Variants in PCDHA4 observed in about 807,000 individuals in gnomAD.
PCDHA4 encodes the protein protocadherin alpha 4.
A neutral mutation model predicts 61.4 loss-of-function variants in PCDHA4; 49 were observed. The ratio of observed to expected loss-of-function variants is 0.80; its 90% CI spans 0.63 to 1.01. The LOEUF is 1.01. Ranked by LOEUF, PCDHA4 falls within the 50% of genes least tolerant of loss-of-function variation. The pLI, the probability that PCDHA4 is intolerant of heterozygous loss-of-function variation, is 0.00. For synonymous variants in PCDHA4, 590 were observed against 550.3 expected (o/e 1.07, Z -1.01); for missense variants, 1,254 against 1,235.8 (o/e 1.01, Z -0.22).
At chr5:140,862,533 G>C in intron 1 of PCDHA4, 1 of 435,668 alleles carries the variant, frequency 2.3e-6, no homozygotes, top group Non-Finnish European at 4.6e-6. Context: ...ACAGCCATCG[G>C]GTCCGTGGAA....
At chr5:140,899,841 T>C (rs2067584927) in intron 1 of PCDHA4, among the ~76,000 whole-genome samples, 1 of 152,208 alleles carries the variant, frequency 6.6e-6, no homozygotes, top group Non-Finnish European at 1.5e-5. Flanking sequence ...CAGGTCTTGC[T>C]GTGTCACCCA....
chr5:140,850,031 G>A (rs2150464401), intron 1 of PCDHA4: 5 of 1,596,722 alleles, frequency 3.1e-6, no homozygotes, highest in East Asian at 4.5e-5. Context: ...CAGTGCACGC[G>A]GAGAGCGGCA....
At chr5:140,829,290 C>T (rs1554131868) in intron 1 of PCDHA4, 1 of 1,614,136 alleles carries the variant, frequency 6.2e-7, no homozygotes, top group African/African-American at 1.3e-5. Context: ...CTGGTGTCCA[C>T]CTTCAAGAAT....
In PCDHA4 at chr5:141,011,594, T is replaced by C. The variant is rs2098421156; in HGVS notation, c.*1657T>C. 6.5e-6 allele frequency: 1 copy of C among 153,764 alleles called. No homozygotes were observed. Among genetic ancestry groups the C allele is most frequent in the East Asian group, 1.9e-4 (1 of 5,202 alleles). The allele number at this position is 153,764 out of a possible 1,614,324, so 9.5% of individuals were successfully genotyped here. On this transcript the variant is annotated 3_prime_UTR_variant, in exon 4 of 4. Coordinates refer to ENST00000530339, the MANE Select transcript of PCDHA4 (RefSeq NM_018907.4). ...TTTCTTAAATCAAGATACTGGTGAT[T>C]CAAGGAATTTTATTTATGGTCCAGC...
rs1554169291 is a variant in PCDHA4 at position 140,877,075 on chromosome 5, G to A, written c.2385+67503G>A. On this transcript the variant is annotated intron_variant, in intron 1 of 3. Transcript: ENST00000530339. ...GGAGCTGGAGCTGCTGCAGTTCCAGGTGAGCGCGCGCGACGCCGGCGTGCC... is the reference window on the plus strand; with the variant it reads ...GGAGCTGGAGCTGCTGCAGTTCCAGATGAGCGCGCGCGACGCCGGCGTGCC... 6.2e-7 allele frequency: 1 copy of A among 1,612,986 alleles called. No individual in the cohort carries two copies. The highest frequency in any genetic ancestry group is 1.1e-5 in the South Asian group (1 of 91,036).
chr5:140,982,784 C>T (rs568886944), intron 3 of PCDHA4, among the ~76,000 whole-genome samples: 9 of 151,444 alleles, frequency 5.9e-5, no homozygotes, highest in South Asian at 2.1e-4. Flanking sequence ...TGTGTGTGCA[C>T]GCATGTGTGC....
chr5:140,883,844 G>A (rs1404353270), intron 1 of PCDHA4: 4 of 1,612,836 alleles, frequency 2.5e-6, no homozygotes, highest in East Asian at 2.2e-5. Context: ...GTTGGACCAC[G>A]AGGAGCTGGA....
At chr5:140,967,085 C>T in intron 1 of PCDHA4, 1 of 1,613,198 alleles carries the variant, frequency 6.2e-7, no homozygotes, top group Non-Finnish European at 8.5e-7. Context: ...GCGCATTGAT[C>T]GGGAGGCGCT....
intron 1 of PCDHA4, among the ~76,000 whole-genome samples, chr5:140,976,868 CAAAG>C (rs1397427113): frequency 6.6e-5 from 10 of 152,120 alleles, no homozygotes; most frequent in African/African-American, 1.2e-4. Flanking sequence ...TACTGTCTGA[CAAAG>C]AAAGAATTAG....
At chr5:140,958,135 G>T (rs868969031) in intron 1 of PCDHA4, among the ~76,000 whole-genome samples, 3 of 152,036 alleles carry the variant, frequency 2.0e-5, no homozygotes, top group Non-Finnish European at 4.4e-5. Context: ...GTATCAGTGT[G>T]TATATTTATA....
At chr5:140,831,516 C>A (rs2150195447) in intron 1 of PCDHA4, among the ~76,000 whole-genome samples, 3 of 130,566 alleles carry the variant, frequency 2.3e-5, no homozygotes, top group East Asian at 4.4e-4. Context: ...ACCATGCCCC[C>A]CACCTTTTTT....
Position 140,856,457 on chromosome 5 carries a change from C to T in PCDHA4, c.2385+46885C>T, listed in dbSNP as rs1383276232. On this transcript the variant is annotated intron_variant, in intron 1 of 3. Coordinates refer to ENST00000530339, the MANE Select transcript of PCDHA4 (RefSeq NM_018907.4). ...CCCGCCCAGGTTCTCCGTAACAGAACAAAAGCTCTCAATACCTGAATCCAG... is the reference window on the plus strand; with the variant it reads ...CCCGCCCAGGTTCTCCGTAACAGAATAAAAGCTCTCAATACCTGAATCCAG... 12 of 1,598,330 alleles carry T rather than the reference C, an allele frequency of 7.5e-6. 1 individual carries two copies. The highest frequency in any genetic ancestry group is 1.0e-5 in the Non-Finnish European group (12 of 1,167,902).
intron 1 of PCDHA4, chr5:140,828,615 G>T: frequency 6.2e-7 from 1 of 1,614,212 alleles, no homozygotes; most frequent in Non-Finnish European, 8.5e-7. Context: ...CTCAGTTCTA[G>T]CGAATACTTC....
chr5:140,915,410 A>G (rs2077112688), intron 1 of PCDHA4, among the ~76,000 whole-genome samples: 1 of 152,172 alleles, frequency 6.6e-6, no homozygotes, highest in Non-Finnish European at 1.5e-5. Flanking sequence ...TAGTCTTTGC[A>G]GTCTGGGCTT....
rs1562356930 is a variant in PCDHA4, at chr5:140,836,340, G to A, written c.2385+26768G>A. ...CCACCGCCTTCTGGTGCTTGTGAAG[G>A]ACCACGGGGAGCCCTCGCTGACAGC... On this transcript the variant is annotated intron_variant, in intron 1 of 3. Transcript: ENST00000530339. 9.3e-6 allele frequency: 15 copies of A among 1,613,706 alleles called. 1 individual carries two copies. Among genetic ancestry groups the A allele is most frequent in the Non-Finnish European group, 1.3e-5 (15 of 1,179,826 alleles).
Position 140,856,651 on chromosome 5 carries a change from T to C in PCDHA4, c.2385+47079T>C, listed in dbSNP as rs1284108605. 10 of 1,598,112 alleles carry C rather than the reference T, an allele frequency of 6.3e-6. 1 individual carries two copies. The highest frequency in any genetic ancestry group is 6.9e-6 in the Non-Finnish European group (8 of 1,167,692). ...TTGTTCTGCGGAAGCTGCTGGATCG[T>C]GAAGAAAATCCTCAGCTAAAGTTGT... is the stretch of plus-strand genomic sequence containing the variant. On this transcript the variant is annotated intron_variant, in intron 1 of 3. Coordinates refer to ENST00000530339, the MANE Select transcript of PCDHA4 (RefSeq NM_018907.4).
At chr5:140,820,237 T>A (rs2150106337) in intron 1 of PCDHA4, among the ~76,000 whole-genome samples, 8,891 of 152,012 alleles carry the variant, frequency 0.058, 861 homozygotes, top group African/African-American at 0.2. Flanking sequence ...ATAATAGAGA[T>A]AGTAAAAATC....
At chr5:140,955,469 T>C (rs1324804121) in intron 1 of PCDHA4, among the ~76,000 whole-genome samples, 11 of 152,208 alleles carry the variant, frequency 7.2e-5, no homozygotes, top group Middle Eastern at 3.4e-3. Flanking sequence ...CCTTTTTGCT[T>C]GGCACCTCTC....
chr5:140,931,993 T>C (rs1350907359), intron 1 of PCDHA4, among the ~76,000 whole-genome samples: 8 of 152,090 alleles, frequency 5.3e-5, no homozygotes, highest in Admixed American at 3.3e-4. Context: ...GCTCAAATTC[T>C]AAGTTCTTTC....
Sources: gnomAD v4.1 joint callset for allele counts (sites outside exome capture counted in the v4.1 genomes callset) on GRCh38, gnomAD v4.1.1 for gene constraint, MANE v1.5 for transcripts, NCBI Gene and HGNC (gene_info 2026-07-23, HGNC 2026-07-21) for gene names.